The following CCSER1 variants were observed in gnomAD, a reference collection of about 807,000 sequenced individuals.
CCSER1 encodes serine-rich coiled-coil domain-containing protein 1.
Under a neutral mutation model 82.0 loss-of-function variants are expected in CCSER1, and 41 were observed. The ratio of observed to expected loss-of-function variants is 0.50; its 90% CI spans 0.39 to 0.65. The LOEUF is 0.65. Ranked by LOEUF, CCSER1 falls within the 30% of genes least tolerant of loss-of-function variation. CCSER1 has a pLI of 0.00. For missense variants in CCSER1, 1,119 were observed against 1,064.2 expected (o/e 1.05, Z -0.72); for synonymous variants, 414 against 383.9 (o/e 1.08, Z -0.92).
At position 91,306,059 on chromosome 4, in the gene CCSER1, TTGTGTGTGTG is replaced by T. The variant is rs70965483; in HGVS notation, c.2217+220093_2217+220102del. Among the ~76,000 whole-genome samples, 651 of 139,634 alleles carry T rather than the reference TTGTGTGTGTG, an allele frequency of 4.7e-3. 7 individuals carry two copies. The highest frequency in any genetic ancestry group is 0.015 in the African/African-American group (581 of 37,992). The allele number at this position is 139,634 out of a possible 152,430, so 91.6% of individuals were successfully genotyped here. ...ACACAACCAAACCATATCAGTGTGT[TTGTGTGTGTG>T]TGTGTGTGTGTGTGTGTGTGTGTGT... On this transcript the variant is annotated intron_variant, in intron 10 of 10. Coordinates refer to ENST00000509176, the MANE Select transcript of CCSER1 (RefSeq NM_001145065.2).
intron 10 of CCSER1, among the ~76,000 whole-genome samples, chr4:91,432,525 G>C (rs979091725): frequency 6.6e-6 from 1 of 152,106 alleles, no homozygotes; most frequent in South Asian, 2.1e-4. Context: ...TTATGAGAGT[G>C]TCTGTTTCCT....
At chr4:90,346,463 A>G (rs545876025) in intron 3 of CCSER1, among the ~76,000 whole-genome samples, 1 of 152,028 alleles carries the variant, frequency 6.6e-6, no homozygotes. Flanking sequence ...GAAAGCTTAG[A>G]TTATACTCAA....
chr4:90,599,310 C>A (rs1783757207), intron 5 of CCSER1, among the ~76,000 whole-genome samples: 1 of 152,026 alleles, frequency 6.6e-6, no homozygotes, highest in South Asian at 2.1e-4. Context: ...TGAGGGAGTT[C>A]TCACGAGAGC....
At chr4:90,763,579 A>T (rs1183984564) in intron 7 of CCSER1, among the ~76,000 whole-genome samples, 1 of 152,092 alleles carries the variant, frequency 6.6e-6, no homozygotes, top group Non-Finnish European at 1.5e-5. Flanking sequence ...AGTCCCATCG[A>T]GATGTTGGTA....
chr4:91,154,364 G>A (rs1012372135), intron 10 of CCSER1, among the ~76,000 whole-genome samples: 1 of 152,086 alleles, frequency 6.6e-6, no homozygotes, highest in Non-Finnish European at 1.5e-5. Flanking sequence ...TGGGAAAAGT[G>A]CAGTATTACT....
chr4:91,156,515 GA>G (rs1483556273), intron 10 of CCSER1, among the ~76,000 whole-genome samples: 1 of 150,052 alleles, frequency 6.7e-6, no homozygotes, highest in East Asian at 1.9e-4. Flanking sequence ...GTCATCAAAA[GA>G]ATTAAATTAT....
At chr4:90,976,267 T>G (rs1014097788) in intron 9 of CCSER1, among the ~76,000 whole-genome samples, 2 of 151,252 alleles carry the variant, frequency 1.3e-5, no homozygotes, top group African/African-American at 4.9e-5. Flanking sequence ...AAGGGAATGA[T>G]TGTATAATTT....
intron 10 of CCSER1, among the ~76,000 whole-genome samples, chr4:91,407,411 A>G (rs1254182529): frequency 6.6e-6 from 1 of 152,170 alleles, no homozygotes; most frequent in Non-Finnish European, 1.5e-5. Context: ...CTTTACAAAT[A>G]AGTTCCTAAG....
chr4:91,316,627 A>G (rs959129325), intron 10 of CCSER1, among the ~76,000 whole-genome samples: 11 of 151,916 alleles, frequency 7.2e-5, no homozygotes, highest in Admixed American at 7.2e-4. Context: ...CTGTCAGGAA[A>G]TCCCTTGGTT....
intron 10 of CCSER1, among the ~76,000 whole-genome samples, chr4:91,573,220 G>A (rs191522188): frequency 6.6e-6 from 1 of 152,202 alleles, no homozygotes; most frequent in Non-Finnish European, 1.5e-5. Flanking sequence ...CAGTAAGGAT[G>A]GTGTTCCACC....
At chr4:90,357,585 GATTTT>G (rs1744597181) in intron 3 of CCSER1, among the ~76,000 whole-genome samples, 1 of 151,936 alleles carries the variant, frequency 6.6e-6, no homozygotes, top group Non-Finnish European at 1.5e-5. Context: ...GACTCTGAAG[GATTTT>G]AGCTTTCATC....
intron 10 of CCSER1, among the ~76,000 whole-genome samples, chr4:91,345,749 A>G (rs936623631): frequency 6.6e-6 from 1 of 152,102 alleles, no homozygotes; most frequent in Non-Finnish European, 1.5e-5. Context: ...ATGAATTTTG[A>G]AATGTATAAT....
intron 8 of CCSER1, among the ~76,000 whole-genome samples, chr4:90,818,001 A>G (rs1003517914): frequency 6.6e-6 from 1 of 152,148 alleles, no homozygotes; most frequent in African/African-American, 2.4e-5. Flanking sequence ...ATCTTTAATA[A>G]TTTAGAACTG....
chr4:90,262,950 A>G (rs1426942641), intron 1 of CCSER1, among the ~76,000 whole-genome samples: 2 of 152,094 alleles, frequency 1.3e-5, no homozygotes, highest in African/African-American at 2.4e-5. Context: ...AAGGCTGTCT[A>G]TAGATGTGTC....
chr4:91,358,052 A>G (rs1314670721), intron 10 of CCSER1, among the ~76,000 whole-genome samples: 2 of 152,022 alleles, frequency 1.3e-5, no homozygotes, highest in Admixed American at 6.6e-5. Context: ...TGGGATTTCA[A>G]TTATCCTTTG....
intron 10 of CCSER1, among the ~76,000 whole-genome samples, chr4:91,106,964 C>T (rs1288767569): frequency 6.6e-6 from 1 of 152,162 alleles, no homozygotes; most frequent in Non-Finnish European, 1.5e-5. Flanking sequence ...GCATAGATGA[C>T]AGTGGTTTCA....
chr4:90,349,823 G>T (rs1160589893), intron 3 of CCSER1, among the ~76,000 whole-genome samples: 1 of 151,982 alleles, frequency 6.6e-6, no homozygotes, highest in Non-Finnish European at 1.5e-5. Flanking sequence ...AAACCTCTGT[G>T]AGTAACACTC....
chr4:90,426,021 G>T (rs1757485362), intron 4 of CCSER1, among the ~76,000 whole-genome samples: 1 of 152,102 alleles, frequency 6.6e-6, no homozygotes, highest in South Asian at 2.1e-4. Flanking sequence ...TTTCCATGAA[G>T]GATAAGTGGG....
At chr4:91,563,836 A>C (rs1762766563) in intron 10 of CCSER1, among the ~76,000 whole-genome samples, 1 of 151,852 alleles carries the variant, frequency 6.6e-6, no homozygotes, top group African/African-American at 2.4e-5. Context: ...CTAATAAGCA[A>C]ATTCAGTAGG....
Sources: allele counts gnomAD v4.1 joint callset (sites outside exome capture counted in the v4.1 genomes callset), GRCh38; gene constraint gnomAD v4.1.1; transcripts MANE v1.5; gene names NCBI Gene and HGNC (gene_info 2026-07-23, HGNC 2026-07-21).